PES1: variants seen among roughly 807,000 people sequenced by gnomAD.
PES1 encodes the protein pescadillo homolog.
Under a neutral mutation model 77.1 loss-of-function variants are expected in PES1, and 31 were observed. That is an observed-to-expected ratio of 0.40 (90% CI 0.30 to 0.54). The LOEUF (loss-of-function observed/expected upper bound fraction) is 0.54. Ranked by LOEUF, PES1 falls within the 20% of genes least tolerant of loss-of-function variation. The pLI, the probability that PES1 is intolerant of heterozygous loss-of-function variation, is 0.45. For synonymous variants in PES1, 282 were observed against 303.0 expected, an observed-to-expected ratio of 0.93 and a Z score of 0.72; for missense variants, 658 against 771.7, an observed-to-expected ratio of 0.85 and a Z score of 1.75.
chr22:30,579,246 C>CCAT lies in PES1; in HGVS notation c.1409_1411dup (p.Asp470dup), dbSNP rs1375522524. ...CTCCTCATTTTCTCCCTCTTCATCA[C>CCAT]CATCACCTTCGTTGTTGTCGTCCTC... On this transcript the variant is annotated inframe_insertion, in exon 13 of 15. Coordinates refer to ENST00000354694, the MANE Select transcript of PES1 (RefSeq NM_014303.4). The CCAT allele has an allele frequency of 1.9e-6, 3 of 1,603,514 alleles. No homozygotes were observed. In the African/African-American group the frequency reaches 4.0e-5, roughly 21 times the overall value.
Position 30,584,415 on chromosome 22 carries a change from C to A in PES1, c.580G>T (p.Val194Leu), listed in dbSNP as rs748306040. 1.9e-6 allele frequency: 3 copies of A among 1,612,666 alleles called. No individual in the cohort carries two copies. In the South Asian group the frequency reaches 3.3e-5, roughly 18 times the overall value. ...ATCCACACGATGGGCTGCCCCAGTA[C>A]CTCGGCCTGGTAGTAAATGCCTTTG... ...SIKGIYYQAE[V>L]LGQPIVWITP... Residue 194 changes from valine (V) to leucine (L), a missense_variant, in exon 6 of 15, where the codon GTA (valine) becomes TTA (leucine). Val to Leu is a conservative substitution (Grantham distance 32, BLOSUM62 1). Coordinates refer to ENST00000354694, the MANE Select transcript of PES1 (RefSeq NM_014303.4).
chr22:30,580,049 C>T lies in PES1; in HGVS notation c.1169+4G>A. On this transcript the variant is annotated splice_donor_region_variant and intron_variant, in intron 11 of 14. Transcript: ENST00000354694. The stretch of plus-strand genomic sequence containing the variant: ...AATCCGGACGAGGACCCTTGAGGGC[C>T]TACCTGCCAATGACTGAGGTCTGCT... 2 of 1,613,610 alleles carry T rather than the reference C, an allele frequency of 1.2e-6. No individual in the cohort carries two copies. Among genetic ancestry groups the T allele is most frequent in the Non-Finnish European group, 1.7e-6 (2 of 1,179,758 alleles).
At chr22:30,587,125 T>C in intron 4 of PES1, 161 bp downstream of exon 4, 1 of 614,914 alleles carries the variant, frequency 1.6e-6, no homozygotes, top group Non-Finnish European at 2.9e-6. Context: ...CTCGTAATCA[T>C]TATAGTAATT....
chr22:30,580,958 A>AC, intron 9 of PES1, 54 bp downstream of exon 9: 5 of 1,473,766 alleles, frequency 3.4e-6, no homozygotes, highest in African/African-American at 1.4e-5. Context: ...AAGCTGGGAA[A>AC]CCCCCCACAC....
At chr22:30,578,541 C>G (rs907763311) in intron 14 of PES1, among the ~76,000 whole-genome samples, 1 of 152,248 alleles carries the variant, frequency 6.6e-6, no homozygotes, top group Non-Finnish European at 1.5e-5. Flanking sequence ...CCCCCGCCCC[C>G]AGTCCTTGAG....
intron 7 of PES1, 35 bp from the exon 8 acceptor site, chr22:30,581,443 C>T: frequency 1.2e-6 from 2 of 1,610,816 alleles, no homozygotes; most frequent in Non-Finnish European, 1.7e-6. Flanking sequence ...AGGCAGAGGA[C>T]AGCCACAGCC....
chr22:30,582,213 G>A (rs1244403879), intron 6 of PES1, among the ~76,000 whole-genome samples: 1 of 152,228 alleles, frequency 6.6e-6, no homozygotes. Flanking sequence ...GCCCAGCGGG[G>A]GCGGGGGAAG....
rs1331076383 is a variant in PES1, at chr22:30,579,902, T to C, written c.1203A>G (p.Ser401=). Residue 401 remains serine (S), a synonymous_variant, in exon 12 of 15, where the codon TCA becomes TCG. Transcript: ENST00000354694. The part of the protein sequence containing the change: ...CYVQPQWVFD[S]VNARLLLPVA... Reference sequence around the variant, plus strand: ...CGGGGAGAAGGAGCCTGGCGTTCACTGAGTCAAACACCCACTGGGGCTGCA... The same window carrying C: ...CGGGGAGAAGGAGCCTGGCGTTCACCGAGTCAAACACCCACTGGGGCTGCA... 14 of 1,614,012 alleles carry C rather than the reference T, an allele frequency of 8.7e-6. No individual in the cohort carries two copies. The highest frequency in any genetic ancestry group is 1.2e-5 in the Non-Finnish European group (14 of 1,180,024).
intron 12 of PES1, 166 bp from the exon 13 acceptor site, chr22:30,579,469 G>T: frequency 8.8e-7 from 1 of 1,136,012 alleles, no homozygotes; most frequent in Non-Finnish European, 1.2e-6. Context: ...CAGCCCAGCT[G>T]CCATCAGAGG....
intron 2 of PES1, among the ~76,000 whole-genome samples, chr22:30,597,935 G>C (rs9609012): frequency 2.1e-5 from 3 of 142,850 alleles, no homozygotes; most frequent in African/African-American, 8.0e-5. Flanking sequence ...CCAGGCTGGA[G>C]TGCAGTGGCG....
chr22:30,600,685 G>A (rs2087341109), intron 2 of PES1, among the ~76,000 whole-genome samples: 1 of 152,186 alleles, frequency 6.6e-6, no homozygotes, highest in African/African-American at 2.4e-5. Flanking sequence ...GAGTGGTGGC[G>A]GGCGCCTGTA....
intron 2 of PES1, among the ~76,000 whole-genome samples, chr22:30,602,102 G>C (rs1426104497): frequency 6.6e-6 from 1 of 151,490 alleles, no homozygotes; most frequent in Non-Finnish European, 1.5e-5. Context: ...TTCTGATGTG[G>C]TTTGGCTCTG....
chr22:30,579,426 G>T, intron 12 of PES1, 123 bp from the exon 13 acceptor site: 1 of 1,490,792 alleles, frequency 6.7e-7, no homozygotes, highest in Non-Finnish European at 9.0e-7. Context: ...GTTCAGGGAT[G>T]TCCCAATTGT....
chr22:30,591,763 C>A (rs552119651), intron 1 of PES1, 47 bp downstream of exon 1: 3 of 1,544,602 alleles, frequency 1.9e-6, no homozygotes, highest in East Asian at 2.5e-5. Context: ...TGCTCTGCCG[C>A]CCCCGCACCC....
chr22:30,603,052 A>G (rs1034951071), intron 2 of PES1, among the ~76,000 whole-genome samples: 1 of 152,040 alleles, frequency 6.6e-6, no homozygotes, highest in African/African-American at 2.4e-5. Flanking sequence ...CTGGGACTAC[A>G]GGAGCCCACC....
upstream of PES1, among the ~76,000 whole-genome samples, chr22:30,595,558 AAAAG>A: frequency 6.7e-6 from 1 of 149,922 alleles, no homozygotes; most frequent in East Asian, 1.9e-4. Flanking sequence ...AAAAAAAAAA[AAAAG>A]ATCTTGGAGA....
upstream of PES1, among the ~76,000 whole-genome samples, chr22:30,593,860 G>A (rs1310685053): frequency 8.5e-5 from 13 of 152,310 alleles, no homozygotes. Context: ...AAGCTGTGCA[G>A]AATAGATTCT....
chr22:30,585,458 C>A, intron 4 of PES1: 1 of 378,132 alleles, frequency 2.6e-6, no homozygotes, highest in Non-Finnish European at 5.5e-6. Context: ...TGAGCTGTGA[C>A]CCAGACTCTT....
At chr22:30,579,630 G>A in intron 12 of PES1, 121 bp downstream of exon 12, 1 of 919,476 alleles carries the variant, frequency 1.1e-6, no homozygotes, top group Non-Finnish European at 1.7e-6. Flanking sequence ...TATTCTACAG[G>A]TGACTTCAAA....
Sources: gnomAD v4.1 joint callset for allele counts (sites outside exome capture counted in the v4.1 genomes callset) on GRCh38, gnomAD v4.1.1 for gene constraint, MANE v1.5 for transcripts, NCBI Gene and HGNC (gene_info 2026-07-23, HGNC 2026-07-21) for gene names.